The following REEP1 variants were observed in gnomAD, a reference collection of about 807,000 sequenced individuals.
REEP1 encodes receptor accessory protein 1, also known as receptor expression-enhancing protein 1.
REEP1 carries 22 observed loss-of-function variants against 40.3 expected under a neutral mutation model. That is an observed-to-expected ratio of 0.55 (90% CI 0.39 to 0.78). The LOEUF is 0.78. Ranked by LOEUF, REEP1 falls within the 30% of genes least tolerant of loss-of-function variation. The pLI is 0.00. For synonymous variants in REEP1, 116 were observed against 139.2 expected (o/e 0.83, Z 1.17); for missense variants, 280 against 361.1 (o/e 0.78, Z 1.82).
intron 1 of REEP1, among the ~76,000 whole-genome samples, chr2:86,328,897 T>C (rs992630918): frequency 6.6e-6 from 1 of 152,190 alleles, no homozygotes; most frequent in Non-Finnish European, 1.5e-5. Context: ...GTTTTAGCAG[T>C]TGCCGTCTGC....
intron 2 of REEP1, 43 bp from the exon 3 acceptor site, chr2:86,264,084 G>A (rs757968688): frequency 5.5e-6 from 8 of 1,462,106 alleles, no homozygotes; most frequent in Non-Finnish European, 7.7e-6. Flanking sequence ...AAAGGTCCAG[G>A]AAAAACACTG....
At chr2:86,282,675 T>A (rs1008484906) in intron 1 of REEP1, among the ~76,000 whole-genome samples, 2 of 152,192 alleles carry the variant, frequency 1.3e-5, no homozygotes, top group African/African-American at 4.8e-5. Flanking sequence ...GATCTCAGCA[T>A]CCTGCAGCTA....
rs1256817176 is a variant in REEP1, at chr2:86,229,665, AATGG to A, written c.596-2271_596-2268del. On this transcript the variant is annotated intron_variant, in intron 6 of 8. Transcript: ENST00000538924. ...ACTCTTGTTGCCCAGACTGGAGTGC[AATGG>A]TGCAATCTCATCTCACTGCAACCTC... Among the ~76,000 whole-genome samples the A allele has an allele frequency of 3.5e-5, 5 of 142,654 alleles. No individual in the cohort carries two copies. The Admixed American group carries it at 3.8e-4, about 11-fold the overall frequency. The allele number at this position is 142,654 out of a possible 152,430, so 93.6% of individuals were successfully genotyped here.
chr2:86,226,080 A>ACCACCACCC, intron 7 of REEP1, among the ~76,000 whole-genome samples: 1 of 124,296 alleles, frequency 8.0e-6, no homozygotes, highest in African/African-American at 3.2e-5. Flanking sequence ...GGCTATCACC[A>ACCACCACCC]CCACCACCAC....
chr2:86,218,644 C>A (rs964139107), intron 8 of REEP1, among the ~76,000 whole-genome samples: 2 of 152,238 alleles, frequency 1.3e-5, no homozygotes, highest in Non-Finnish European at 2.9e-5. Flanking sequence ...CCTTAGAATT[C>A]TTTAGGCTGG....
intron 3 of REEP1, among the ~76,000 whole-genome samples, chr2:86,256,304 C>T (rs1317399350): frequency 4.7e-5 from 7 of 148,808 alleles, no homozygotes; most frequent in African/African-American, 1.2e-4. Context: ...GCCGAGATCG[C>T]GCCACTGCAC....
At chr2:86,292,078 A>G (rs1037026434) in intron 1 of REEP1, among the ~76,000 whole-genome samples, 1 of 152,210 alleles carries the variant, frequency 6.6e-6, no homozygotes, top group Non-Finnish European at 1.5e-5. Flanking sequence ...TGTGGTAGAA[A>G]GAGGCTGGGC....
chr2:86,262,497 T>C (rs970360528), intron 3 of REEP1, among the ~76,000 whole-genome samples: 13 of 152,366 alleles, frequency 8.5e-5, no homozygotes, highest in East Asian at 3.9e-4. Context: ...GGCTGGGACA[T>C]CTACTTCTCT....
intron 2 of REEP1, 130 bp downstream of exon 2, chr2:86,282,040 A>C: frequency 1.4e-6 from 1 of 737,968 alleles, no homozygotes; most frequent in Non-Finnish European, 2.5e-6. Context: ...ATGTCTCATG[A>C]GAACTGTGAT....
At chr2:86,271,181 G>C (rs1677426846) in intron 2 of REEP1, among the ~76,000 whole-genome samples, 1 of 151,980 alleles carries the variant, frequency 6.6e-6, no homozygotes, top group Non-Finnish European at 1.5e-5. Context: ...AACAGAGCAA[G>C]ATTCTGTCTC....
At chr2:86,240,703 T>C (rs1232071678) in intron 5 of REEP1, among the ~76,000 whole-genome samples, 1 of 152,126 alleles carries the variant, frequency 6.6e-6, no homozygotes. Flanking sequence ...CTGAAGGTTT[T>C]TGAGAGGTGA....
intron 1 of REEP1, among the ~76,000 whole-genome samples, chr2:86,296,391 G>C (rs1678984275): frequency 6.6e-6 from 1 of 152,248 alleles, no homozygotes; most frequent in African/African-American, 2.4e-5. Context: ...TTGTAGCAGA[G>C]CCAGAACTAG....
chr2:86,255,514 T>C (rs1676509309), intron 3 of REEP1, among the ~76,000 whole-genome samples: 1 of 152,168 alleles, frequency 6.6e-6, no homozygotes, highest in African/African-American at 2.4e-5. Context: ...TTCATTTATT[T>C]GTCCCCCCAC....
At chr2:86,242,255 G>A (rs184569838) in intron 5 of REEP1, among the ~76,000 whole-genome samples, 1 of 152,346 alleles carries the variant, frequency 6.6e-6, no homozygotes, top group Non-Finnish European at 1.5e-5. Context: ...TAAGCAGGGA[G>A]CTGGGACTTT....
At chr2:86,239,399 A>G (rs747784546) in intron 5 of REEP1, among the ~76,000 whole-genome samples, 2 of 152,166 alleles carry the variant, frequency 1.3e-5, no homozygotes, top group Non-Finnish European at 2.9e-5. Context: ...AGTTTAGCCC[A>G]TCTCACTTGA....
intron 1 of REEP1, among the ~76,000 whole-genome samples, chr2:86,284,118 C>G (rs776727726): frequency 6.6e-6 from 1 of 151,994 alleles, no homozygotes; most frequent in Non-Finnish European, 1.5e-5. Context: ...GGTCATCGCC[C>G]CCTTGGTGAG....
Position 86,333,021 on chromosome 2 carries a change from C to G in REEP1, c.32+4458G>C, listed in dbSNP as rs143721240. On this transcript the variant is annotated intron_variant, in intron 1 of 8. Coordinates refer to ENST00000538924, the MANE Select transcript of REEP1 (RefSeq NM_001371279.1). ...CCAGCACTGGGACTAGAACCCATGT[C>G]TGCTGCCTACTAGCCTAACATCTTT... Among the ~76,000 whole-genome samples the G allele has an allele frequency of 6.6e-5, 10 of 152,332 alleles. No individual in the cohort carries two copies. In the East Asian group the frequency reaches 1.9e-3, roughly 29 times the overall value.
In REEP1 at chr2:86,216,919, T is replaced by A; in HGVS notation, c.*120A>T. On this transcript the variant is annotated 3_prime_UTR_variant, in exon 9 of 9. Transcript: ENST00000538924. The stretch of plus-strand genomic sequence containing the variant: ...GTGGAAGGGGAGAGAGAAAAGGCCA[T>A]GTTTGTGAGGCTGCACACTCAAAGC... The A allele has an allele frequency of 1.3e-6, 1 of 761,510 alleles. No homozygotes were observed. Among genetic ancestry groups the A allele is most frequent in the Non-Finnish European group, 2.2e-6 (1 of 446,954 alleles). The allele number at this position is 761,510 out of a possible 1,614,324, so 47.2% of individuals were successfully genotyped here.
At chr2:86,333,554 T>C (rs948006188) in intron 1 of REEP1, among the ~76,000 whole-genome samples, 1 of 152,248 alleles carries the variant, frequency 6.6e-6, no homozygotes, top group Non-Finnish European at 1.5e-5. Flanking sequence ...ACTAATCCCA[T>C]AAGGGGTGAG....
Sources: allele counts gnomAD v4.1 joint callset (sites outside exome capture counted in the v4.1 genomes callset), GRCh38; gene constraint gnomAD v4.1.1; transcripts MANE v1.5; gene names NCBI Gene and HGNC (gene_info 2026-07-23, HGNC 2026-07-21).